The following C1orf185 variants were observed in gnomAD, a reference collection of about 807,000 sequenced individuals.
The protein encoded by C1orf185 is uncharacterized protein C1orf185.
Under a neutral mutation model 16.1 loss-of-function variants are expected in C1orf185, and 13 were observed. The observed-to-expected ratio is 0.81, with a 90% CI of 0.53 to 1.28. C1orf185 has a LOEUF of 1.28. C1orf185 is among the 50% of genes most tolerant of loss of function. C1orf185 has a pLI of 0.00. For missense variants in C1orf185, 220 were observed against 225.2 expected, an observed-to-expected ratio of 0.98 and a Z score of 0.15; for synonymous variants, 80 against 76.9, an observed-to-expected ratio of 1.04 and a Z score of -0.21.
downstream of C1orf185, among the ~76,000 whole-genome samples, chr1:51,148,370 G>A (rs984528508): frequency 4.6e-5 from 7 of 152,024 alleles, no homozygotes; most frequent in East Asian, 9.6e-4. Context: ...TGATTCACCC[G>A]CCTTGGCCTC....
intron 3 of C1orf185, among the ~76,000 whole-genome samples, chr1:51,126,946 T>A (rs1224332105): frequency 3.9e-5 from 6 of 152,208 alleles, no homozygotes; most frequent in Non-Finnish European, 2.9e-5. Context: ...GGAGTGCTGG[T>A]CATGTTTGTA....
intron 3 of C1orf185, among the ~76,000 whole-genome samples, chr1:51,141,011 G>A (rs975144045): frequency 2.0e-5 from 3 of 152,040 alleles, no homozygotes; most frequent in Non-Finnish European, 4.4e-5. Flanking sequence ...ACTTTTGATA[G>A]GTTAGCTCCA....
chr1:51,147,466 G>T lies in C1orf185; in HGVS notation c.296-1G>T, dbSNP rs1327779063. On this transcript the variant is annotated splice_acceptor_variant, in intron 4 of 4. Transcript: ENST00000371759. LOFTEE classifies it high-confidence loss of function. ...TATTCATAGTAAATCTGTTTTTACA[G>T]CAATTAAAGATCATTCTAAAGATGA... 6.6e-7 allele frequency: 1 copy of T among 1,512,974 alleles called. No homozygotes were observed. Among genetic ancestry groups the T allele is most frequent in the South Asian group, 1.3e-5 (1 of 77,072 alleles). The allele number at this position is 1,512,974 out of a possible 1,614,324, so 93.7% of individuals were successfully genotyped here. A position where few individuals can be genotyped will look rare whatever the true frequency, so the allele number is the denominator to read the frequency against.
At chr1:51,131,257 A>G (rs543920829) in intron 3 of C1orf185, among the ~76,000 whole-genome samples, 1 of 152,364 alleles carries the variant, frequency 6.6e-6, no homozygotes, top group South Asian at 2.1e-4. Flanking sequence ...TTGTGGCAGT[A>G]CGCATGTCTA....
intron 3 of C1orf185, among the ~76,000 whole-genome samples, chr1:51,124,729 C>T (rs1037894063): frequency 2.6e-5 from 4 of 152,202 alleles, no homozygotes; most frequent in Admixed American, 1.3e-4. Flanking sequence ...GTGGTCATAA[C>T]TTCTGGGTCA....
At chr1:51,117,140 A>G (rs527359445) in intron 2 of C1orf185, among the ~76,000 whole-genome samples, 1 of 152,318 alleles carries the variant, frequency 6.6e-6, no homozygotes, top group South Asian at 2.1e-4. Flanking sequence ...CACTATATAT[A>G]CAACATCCAG....
At chr1:51,138,981 C>T (rs1041143063) in intron 3 of C1orf185, among the ~76,000 whole-genome samples, 1 of 152,098 alleles carries the variant, frequency 6.6e-6, no homozygotes, top group Non-Finnish European at 1.5e-5. Context: ...ATCCACTGTG[C>T]CCAGGCCATG....
At chr1:51,136,497 G>A (rs746929771) in intron 3 of C1orf185, among the ~76,000 whole-genome samples, 55 of 152,002 alleles carry the variant, frequency 3.6e-4, no homozygotes, top group Admixed American at 1.6e-3. Flanking sequence ...ACTTCAAACT[G>A]TGCTATAGAG....
intron 3 of C1orf185, among the ~76,000 whole-genome samples, chr1:51,136,333 ATC>A (rs905777708): frequency 1.7e-4 from 25 of 149,860 alleles, no homozygotes; most frequent in African/African-American, 6.2e-4. Flanking sequence ...TTCTATTTTG[ATC>A]TTGATTTTTT....
At chr1:51,124,324 C>T (rs939622573) in intron 3 of C1orf185, among the ~76,000 whole-genome samples, 2 of 152,170 alleles carry the variant, frequency 1.3e-5, no homozygotes, top group South Asian at 2.1e-4. Flanking sequence ...TCAAGTGATC[C>T]GCCCACCTTG....
downstream of C1orf185, among the ~76,000 whole-genome samples, chr1:51,151,537 C>A (rs1646429278): frequency 6.6e-6 from 1 of 151,918 alleles, no homozygotes; most frequent in Non-Finnish European, 1.5e-5. Flanking sequence ...GTCCAACTGC[C>A]ACAGTAAGAC....
intron 3 of C1orf185, among the ~76,000 whole-genome samples, chr1:51,140,183 T>G (rs1338848959): frequency 6.6e-6 from 1 of 152,226 alleles, no homozygotes; most frequent in Non-Finnish European, 1.5e-5. Flanking sequence ...TTTCGTTGTC[T>G]CACGCCTCAA....
intron 3 of C1orf185, among the ~76,000 whole-genome samples, chr1:51,122,794 A>C (rs1041573568): frequency 4.6e-5 from 7 of 152,136 alleles, no homozygotes; most frequent in Admixed American, 1.3e-4. Flanking sequence ...TACTGTTTCC[A>C]AAGTTTTTGC....
chr1:51,111,116 T>G (rs1196397838), intron 1 of C1orf185, among the ~76,000 whole-genome samples: 1 of 152,142 alleles, frequency 6.6e-6, no homozygotes, highest in East Asian at 1.9e-4. Context: ...ACCCCAAGCC[T>G]TCTTCATTCC....
intron 3 of C1orf185, among the ~76,000 whole-genome samples, chr1:51,145,071 G>A (rs1646389705): frequency 6.6e-6 from 1 of 152,038 alleles, no homozygotes; most frequent in Admixed American, 6.6e-5. Context: ...CCTAAAGTTT[G>A]AGAACTACTA....
intron 3 of C1orf185, among the ~76,000 whole-genome samples, chr1:51,130,770 T>C (rs1399319821): frequency 2.0e-5 from 3 of 152,254 alleles, no homozygotes; most frequent in Admixed American, 6.5e-5. Context: ...CATGCTGTCT[T>C]GATTATTGTA....
intron 3 of C1orf185, among the ~76,000 whole-genome samples, chr1:51,140,898 T>A (rs894396598): frequency 2.6e-5 from 4 of 152,220 alleles, no homozygotes; most frequent in Non-Finnish European, 4.4e-5. Context: ...GTTTTATCAA[T>A]TTTATTAATA....
chr1:51,144,185 G>T (rs959916220), intron 3 of C1orf185, among the ~76,000 whole-genome samples: 3 of 152,076 alleles, frequency 2.0e-5, no homozygotes, highest in African/African-American at 4.8e-5. Context: ...ACATTACCTA[G>T]GCGAGCCTAT....
chr1:51,118,942 C>A (rs1341050177), intron 3 of C1orf185, 141 bp downstream of exon 3: 2 of 635,720 alleles, frequency 3.1e-6, no homozygotes, highest in Non-Finnish European at 4.7e-6. Flanking sequence ...AGAGTTTATA[C>A]TATAGGAAAA....
Sources: gnomAD v4.1 joint callset for allele counts (sites outside exome capture counted in the v4.1 genomes callset) on GRCh38, gnomAD v4.1.1 for gene constraint, MANE v1.5 for transcripts, NCBI Gene and HGNC (gene_info 2026-07-23, HGNC 2026-07-21) for gene names.